Variants in NAALADL2 observed in about 807,000 individuals in gnomAD.
The protein encoded by NAALADL2 is N-acetylated alpha-linked acidic dipeptidase like 2.
In NAALADL2, 76 loss-of-function variants were observed where a neutral mutation model predicts 87.2. The ratio of observed to expected loss-of-function variants is 0.87; its 90% confidence interval spans 0.72 to 1.05. The LOEUF (loss-of-function observed/expected upper bound fraction) is 1.05. Among genes scored for constraint, NAALADL2 ranks in the 50% least tolerant of loss-of-function variants. NAALADL2 has a pLI of 0.00. For missense variants in NAALADL2, 1,089 were observed against 945.8 expected (o/e 1.15, Z -1.99); for synonymous variants, 354 against 331.0 (o/e 1.07, Z -0.75).
chr3:175,026,304 G>GA (rs1383895944), intron 1 of NAALADL2, among the ~76,000 whole-genome samples: 3 of 151,692 alleles, frequency 2.0e-5, no homozygotes, highest in Non-Finnish European at 4.4e-5. Context: ...TTTGAAGATG[G>GA]AAAAAACAAA....
intron 3 of NAALADL2, among the ~76,000 whole-genome samples, chr3:174,762,671 A>G (rs901619861): frequency 2.8e-4 from 43 of 152,138 alleles, no homozygotes; most frequent in African/African-American, 9.2e-4. Context: ...TGTACTTCAA[A>G]ATACAAAACA....
chr3:174,734,582 TC>T (rs1219249746), intron 2 of NAALADL2, among the ~76,000 whole-genome samples: 1 of 152,100 alleles, frequency 6.6e-6, no homozygotes, highest in African/African-American at 2.4e-5. Context: ...GATTAGGGCT[TC>T]AACATACGAA....
intron 1 of NAALADL2, among the ~76,000 whole-genome samples, chr3:174,455,172 T>C (rs1031649593): frequency 1.3e-5 from 2 of 151,936 alleles, no homozygotes; most frequent in Non-Finnish European, 2.9e-5. Context: ...CTCCCAAGAC[T>C]ACCAGAAAGA....
At chr3:174,584,413 A>AC (rs1716486448) in intron 2 of NAALADL2, among the ~76,000 whole-genome samples, 1 of 152,086 alleles carries the variant, frequency 6.6e-6, no homozygotes, top group African/African-American at 2.4e-5. Flanking sequence ...ATCCCAGAAA[A>AC]TTATTTTCAA....
intron 11 of NAALADL2, among the ~76,000 whole-genome samples, chr3:175,666,598 G>T (rs936846839): frequency 1.3e-5 from 2 of 152,104 alleles, no homozygotes; most frequent in Non-Finnish European, 2.9e-5. Flanking sequence ...TCATTATTAT[G>T]CACGATGAGC....
chr3:174,909,458 T>C (rs1249949972), intron 1 of NAALADL2, among the ~76,000 whole-genome samples: 1 of 152,088 alleles, frequency 6.6e-6, no homozygotes, highest in Admixed American at 6.5e-5. Flanking sequence ...GATCATATAT[T>C]TAACTGTTAA....
chr3:174,455,486 C>T (rs1715774213), intron 1 of NAALADL2, among the ~76,000 whole-genome samples: 1 of 152,122 alleles, frequency 6.6e-6, no homozygotes, highest in African/African-American at 2.4e-5. Flanking sequence ...CAGCAAAATA[C>T]TGACAGAGTA....
At chr3:175,020,855 C>T (rs1378141303) in intron 1 of NAALADL2, among the ~76,000 whole-genome samples, 1 of 152,018 alleles carries the variant, frequency 6.6e-6, no homozygotes, top group African/African-American at 2.4e-5. Flanking sequence ...TCCAGAATTC[C>T]TCTGCCGCTG....
At chr3:175,003,376 T>C (rs575562733) in intron 1 of NAALADL2, among the ~76,000 whole-genome samples, 19 of 152,184 alleles carry the variant, frequency 1.2e-4, no homozygotes, top group African/African-American at 3.9e-4. Context: ...AAAAAGTAAA[T>C]ACTTAATATA....
intron 2 of NAALADL2, among the ~76,000 whole-genome samples, chr3:174,652,129 C>A (rs1051469216): frequency 5.3e-5 from 8 of 152,142 alleles, no homozygotes; most frequent in Admixed American, 5.2e-4. Flanking sequence ...CAGAACAAGG[C>A]CTGCTTTAGT....
chr3:175,664,460 A>G (rs1050815999), intron 11 of NAALADL2, among the ~76,000 whole-genome samples: 4 of 152,120 alleles, frequency 2.6e-5, no homozygotes, highest in Non-Finnish European at 5.9e-5. Flanking sequence ...AGCCAGTTGT[A>G]GTAGAGAAGC....
chr3:174,549,005 T>A (rs1402873765), intron 1 of NAALADL2, among the ~76,000 whole-genome samples: 1 of 152,160 alleles, frequency 6.6e-6, no homozygotes, highest in Non-Finnish European at 1.5e-5. Context: ...CATGCCCGGC[T>A]AATTTGTGTA....
chr3:175,208,769 C>T (rs1741338608), intron 2 of NAALADL2, among the ~76,000 whole-genome samples: 1 of 152,058 alleles, frequency 6.6e-6, no homozygotes, highest in South Asian at 2.1e-4. Flanking sequence ...TGGAGAAGCG[C>T]AGTAAGGCCA....
At chr3:174,836,652 T>A (rs1470907396) in intron 3 of NAALADL2, among the ~76,000 whole-genome samples, 1 of 129,760 alleles carries the variant, frequency 7.7e-6, no homozygotes, top group East Asian at 2.3e-4. Context: ...GAGCTTGCAG[T>A]GAGCCGAAAT....
intron 2 of NAALADL2, among the ~76,000 whole-genome samples, chr3:175,173,290 T>TC (rs1334482649): frequency 8.5e-6 from 1 of 118,322 alleles, no homozygotes; most frequent in African/African-American, 3.2e-5. Flanking sequence ...AGACTCCGTT[T>TC]CAAAATAAAT....
intron 3 of NAALADL2, among the ~76,000 whole-genome samples, chr3:174,779,240 C>G (rs1027649179): frequency 1.3e-5 from 2 of 152,038 alleles, no homozygotes; most frequent in Non-Finnish European, 2.9e-5. Context: ...TGATGATGAG[C>G]TTTTTTTCAT....
At chr3:174,511,427 A>T (rs1249408821) in intron 1 of NAALADL2, among the ~76,000 whole-genome samples, 1 of 152,010 alleles carries the variant, frequency 6.6e-6, no homozygotes, top group South Asian at 2.1e-4. Flanking sequence ...CTTTGTATTA[A>T]TATTACTCAT....
At chr3:174,837,434 T>C (rs559931749) in intron 3 of NAALADL2, among the ~76,000 whole-genome samples, 4 of 152,254 alleles carry the variant, frequency 2.6e-5, no homozygotes, top group African/African-American at 9.6e-5. Context: ...CCTTTTTATC[T>C]TAAATTAGGA....
chr3:175,343,675 TTC>T lies in NAALADL2; in HGVS notation c.1090+19351_1090+19352del, dbSNP rs1491361856. On this transcript the variant is annotated intron_variant, in intron 5 of 13. Transcript: ENST00000454872. ...ATCATGTTTTTTTTTTTTTTTTTTT[TTC>T]CCTTCCCACTGATCAAACTAGGAAA... Among the ~76,000 whole-genome samples the T allele has an allele frequency of 5.6e-4, 82 of 146,172 alleles. 14 individuals are homozygous for T. In the South Asian group the frequency reaches 0.011, roughly 20 times the overall value.
Sources: gnomAD v4.1 joint callset for allele counts (sites outside exome capture counted in the v4.1 genomes callset) on GRCh38, gnomAD v4.1.1 for gene constraint, MANE v1.5 for transcripts, NCBI Gene and HGNC (gene_info 2026-07-23, HGNC 2026-07-21) for gene names.